ITPKB: variants seen among roughly 807,000 people sequenced by gnomAD.
The protein encoded by ITPKB is inositol-trisphosphate 3-kinase B.
A neutral mutation model predicts 69.4 loss-of-function variants in ITPKB; 13 were observed. The ratio of observed to expected loss-of-function variants is 0.19; its 90% CI spans 0.12 to 0.30. ITPKB has a LOEUF of 0.30. Among genes scored for constraint, ITPKB ranks in the 10% least tolerant of loss-of-function variants. The pLI is 1.00. For missense variants in ITPKB, 1,240 were observed against 1,250.5 expected (o/e 0.99, Z 0.13); for synonymous variants, 584 against 513.7 (o/e 1.14, Z -1.85).
chr1:226,648,611 C>T, intron 3 of ITPKB, 61 bp downstream of exon 3: 1 of 1,030,468 alleles, frequency 9.7e-7, no homozygotes, highest in South Asian at 1.3e-5. Context: ...ATGCAGCGTC[C>T]AGGGCACCTC....
At chr1:226,694,762 G>A (rs1656437291) in intron 2 of ITPKB, among the ~76,000 whole-genome samples, 1 of 152,150 alleles carries the variant, frequency 6.6e-6, no homozygotes, top group African/African-American at 2.4e-5. Context: ...TTACAGTTGT[G>A]ACAACCAAAA....
chr1:226,716,295 T>C (rs1166834946), intron 2 of ITPKB, among the ~76,000 whole-genome samples: 5 of 152,232 alleles, frequency 3.3e-5, no homozygotes, highest in Non-Finnish European at 7.3e-5. Flanking sequence ...CTGTCAAAAA[T>C]TGCTCTACCC....
At chr1:226,649,072 T>C (rs1669118631) in intron 2 of ITPKB, among the ~76,000 whole-genome samples, 1 of 152,232 alleles carries the variant, frequency 6.6e-6, no homozygotes, top group Admixed American at 6.5e-5. Context: ...TTAGTTCATA[T>C]TCAATTCGTA....
chr1:226,702,517 T>G (rs1164762475), intron 2 of ITPKB, among the ~76,000 whole-genome samples: 1 of 152,182 alleles, frequency 6.6e-6, no homozygotes, highest in Non-Finnish European at 1.5e-5. Flanking sequence ...GACCTCACTG[T>G]GGCTATCTGG....
intron 2 of ITPKB, among the ~76,000 whole-genome samples, chr1:226,664,475 G>T (rs1361186545): frequency 6.6e-6 from 1 of 152,222 alleles, no homozygotes; most frequent in East Asian, 1.9e-4. Flanking sequence ...GGGACGAGGG[G>T]AGAGCCTTGG....
intron 2 of ITPKB, among the ~76,000 whole-genome samples, chr1:226,654,802 C>T (rs1356134588): frequency 1.3e-5 from 2 of 152,198 alleles, no homozygotes; most frequent in Non-Finnish European, 2.9e-5. Context: ...GGAAACACTG[C>T]CTTCAACAAA....
intron 2 of ITPKB, among the ~76,000 whole-genome samples, chr1:226,671,369 G>A (rs567132206): frequency 1.3e-5 from 2 of 152,224 alleles, no homozygotes; most frequent in African/African-American, 2.4e-5. Context: ...ATCCATCTTT[G>A]TACTCCTTGC....
Position 226,735,660 on chromosome 1 carries a change from G to A in ITPKB, c.1799C>T (p.Ser600Phe). Residue 600 changes from serine to phenylalanine, a missense_variant, in exon 2 of 8, where the codon TCT becomes TTT. Ser to Phe is a radical substitution (Grantham distance 155, BLOSUM62 -2). Transcript: ENST00000429204. ...GAAGCCCGTGGAGGAGGCCGAGGAA[G>A]AGGACAGTTTCCTCAGGGGCAGGTT... ...RGNLPLRKLS[S>F]SSASSTGFSS... 1 of 1,611,828 alleles carries A rather than the reference G, an allele frequency of 6.2e-7. No homozygotes were observed. The highest frequency in any genetic ancestry group is 8.5e-7 in the Non-Finnish European group (1 of 1,178,740).
At chr1:226,726,340 T>C (rs999342149) in intron 2 of ITPKB, among the ~76,000 whole-genome samples, 2 of 152,070 alleles carry the variant, frequency 1.3e-5, no homozygotes, top group Non-Finnish European at 1.5e-5. Context: ...GTGATGACTA[T>C]GATGATGATG....
intron 2 of ITPKB, among the ~76,000 whole-genome samples, chr1:226,722,600 A>G (rs1345460413): frequency 6.6e-6 from 1 of 152,158 alleles, no homozygotes; most frequent in Non-Finnish European, 1.5e-5. Context: ...TTGGGGCAAT[A>G]AGGGAGTTAC....
intron 2 of ITPKB, among the ~76,000 whole-genome samples, chr1:226,678,646 C>G (rs1655980904): frequency 6.6e-6 from 1 of 152,308 alleles, no homozygotes; most frequent in Middle Eastern, 3.4e-3. Flanking sequence ...CTAAACACTA[C>G]CTAAGTGTTC....
At chr1:226,677,146 AC>A (rs1206374656) in intron 2 of ITPKB, among the ~76,000 whole-genome samples, 1 of 152,302 alleles carries the variant, frequency 6.6e-6, no homozygotes, top group Non-Finnish European at 1.5e-5. Context: ...AGAGGGTGTT[AC>A]CCCCAGGGAC....
rs1571830034 is a variant in ITPKB, at chr1:226,632,423, G to A, written c.*2248C>T. The A allele has an allele frequency of 6.6e-6, 1 of 152,276 alleles. No individual in the cohort carries two copies. The highest frequency in any genetic ancestry group is 1.9e-4 in the East Asian group (1 of 5,178). The allele number at this position is 152,276 out of a possible 1,614,324, so 9.4% of individuals were successfully genotyped here. A position where few individuals can be genotyped will look rare whatever the true frequency, so the allele number is the denominator to read the frequency against. On this transcript the variant is annotated 3_prime_UTR_variant, in exon 8 of 8. Coordinates refer to ENST00000429204, the MANE Select transcript of ITPKB (RefSeq NM_002221.4). ...AATCCATCTATCCCACTGAGACAAA[G>A]GGAAGGGCCAGATGGCAGGGAAGCG...
At chr1:226,681,384 GT>G (rs1403673847) in intron 2 of ITPKB, among the ~76,000 whole-genome samples, 11 of 152,314 alleles carry the variant, frequency 7.2e-5, no homozygotes, top group African/African-American at 1.9e-4. Context: ...ATTAATATGT[GT>G]TGAGTGTGTT....
chr1:226,677,745 CAT>C (rs950284793), intron 2 of ITPKB, among the ~76,000 whole-genome samples: 5 of 152,226 alleles, frequency 3.3e-5, no homozygotes, highest in Admixed American at 6.5e-5. Flanking sequence ...CCCTAATGCA[CAT>C]GTGTTCCCTC....
chr1:226,703,156 G>C (rs780229031), intron 2 of ITPKB, among the ~76,000 whole-genome samples: 1 of 152,138 alleles, frequency 6.6e-6, no homozygotes, highest in Non-Finnish European at 1.5e-5. Context: ...GAATGTCTGA[G>C]TGGGTGAAGG....
intron 2 of ITPKB, among the ~76,000 whole-genome samples, chr1:226,678,796 GC>G (rs1199658865): frequency 7.9e-5 from 12 of 152,308 alleles, no homozygotes; most frequent in Non-Finnish European, 5.9e-5. Flanking sequence ...CTTATTCTAG[GC>G]CGCTCTCTGC....
intron 2 of ITPKB, among the ~76,000 whole-genome samples, chr1:226,681,283 G>GT (rs1380343095): frequency 2.0e-5 from 3 of 152,074 alleles, no homozygotes; most frequent in African/African-American, 7.2e-5. Flanking sequence ...CTCTTAAGGG[G>GT]TTACACTTCA....
chr1:226,689,650 T>C (rs1271432735), intron 2 of ITPKB, among the ~76,000 whole-genome samples: 2 of 151,356 alleles, frequency 1.3e-5, no homozygotes, highest in African/African-American at 2.4e-5. Flanking sequence ...AGTTCAGAGG[T>C]ACATGTACAG....
Sources: gnomAD v4.1 joint callset for allele counts (sites outside exome capture counted in the v4.1 genomes callset) on GRCh38, gnomAD v4.1.1 for gene constraint, MANE v1.5 for transcripts, NCBI Gene and HGNC (gene_info 2026-07-23, HGNC 2026-07-21) for gene names.